TESK2: variants seen among roughly 807,000 people sequenced by gnomAD.
TESK2 encodes dual specificity testis-specific protein kinase 2.
Under a neutral mutation model 57.1 loss-of-function variants are expected in TESK2, and 39 were observed. That is an observed-to-expected ratio of 0.68 (90% confidence interval 0.53 to 0.89). The LOEUF (loss-of-function observed/expected upper bound fraction) is 0.89, where lower values mean the gene tolerates loss of function less well. Among genes scored for constraint, TESK2 ranks in the 40% least tolerant of loss-of-function variants. The pLI is 0.00. For synonymous variants in TESK2, 249 were observed against 267.9 expected, an observed-to-expected ratio of 0.93 and a Z score of 0.69; for missense variants, 646 against 732.1, an observed-to-expected ratio of 0.88 and a Z score of 1.36.
chr1:45,482,394 G>A (rs907119036), intron 1 of TESK2, among the ~76,000 whole-genome samples: 1 of 151,900 alleles, frequency 6.6e-6, no homozygotes, highest in African/African-American at 2.4e-5. Context: ...CTGGAGTGGT[G>A]GCACACACCT....
At chr1:45,363,694 A>C (rs372035510) in intron 4 of TESK2, among the ~76,000 whole-genome samples, 31 of 152,328 alleles carry the variant, frequency 2.0e-4, no homozygotes, top group African/African-American at 7.2e-4. Flanking sequence ...GAACACAAAG[A>C]TAACAAAGCA....
At chr1:45,469,566 C>A (rs1172181832) in intron 1 of TESK2, among the ~76,000 whole-genome samples, 1 of 152,140 alleles carries the variant, frequency 6.6e-6, no homozygotes, top group African/African-American at 2.4e-5. Context: ...AGAAATACAT[C>A]AAATTTCTGT....
At chr1:45,436,381 C>T (rs1247209331) in intron 2 of TESK2, among the ~76,000 whole-genome samples, 1 of 148,546 alleles carries the variant, frequency 6.7e-6, no homozygotes, top group African/African-American at 2.5e-5. Flanking sequence ...GATGGGGTTT[C>T]ACCATGTTGG....
At chr1:45,379,092 A>G (rs1229690483) in intron 4 of TESK2, among the ~76,000 whole-genome samples, 2 of 152,210 alleles carry the variant, frequency 1.3e-5, no homozygotes, top group African/African-American at 4.8e-5. Context: ...ACAAAAAAAT[A>G]AGAAGCAGGC....
At chr1:45,480,395 T>A (rs1653168861) in intron 1 of TESK2, among the ~76,000 whole-genome samples, 1 of 149,878 alleles carries the variant, frequency 6.7e-6, no homozygotes, top group East Asian at 2.0e-4. Context: ...GAGGTGGAGG[T>A]TGCAGTGAGC....
In TESK2 at chr1:45,344,777, C is replaced by G. The variant is rs531276529; in HGVS notation, c.*63G>C. 4.1e-6 allele frequency: 6 copies of G among 1,459,096 alleles called. No individual in the cohort carries two copies. The South Asian group carries it at 6.4e-5, about 16-fold the overall frequency. 90.4% of individuals were successfully genotyped at this position (1,459,096 alleles called of 1,614,324 possible). A position where few individuals can be genotyped will look rare whatever the true frequency, so the allele number is the denominator to read the frequency against. ...CCAGGGAAGAATCAAGGCTGTGCAC[C>G]TAGGGGGCCATATGGTTTCAGCTGA... is the stretch of plus-strand genomic sequence containing the variant. On this transcript the variant is annotated 3_prime_UTR_variant, in exon 11 of 11. Transcript: ENST00000372086.
intron 3 of TESK2, among the ~76,000 whole-genome samples, chr1:45,417,517 T>C (rs1298544241): frequency 6.6e-6 from 1 of 152,192 alleles, no homozygotes. Context: ...GCAATCTCAT[T>C]TGTCTATTTT....
At chr1:45,410,387 T>G (rs1649991497) in intron 3 of TESK2, among the ~76,000 whole-genome samples, 1 of 152,122 alleles carries the variant, frequency 6.6e-6, no homozygotes, top group Non-Finnish European at 1.5e-5. Flanking sequence ...ACGGATCACC[T>G]GAGGTTAGGA....
intron 1 of TESK2, among the ~76,000 whole-genome samples, chr1:45,470,472 G>A (rs1455035741): frequency 6.6e-6 from 1 of 152,152 alleles, no homozygotes; most frequent in African/African-American, 2.4e-5. Context: ...AGGCAATCTA[G>A]CATAAAAACT....
chr1:45,384,323 CTATGTATG>C (rs145216387), intron 4 of TESK2, among the ~76,000 whole-genome samples: 40,381 of 150,336 alleles, frequency 0.27, 5,709 homozygotes, highest in Admixed American at 0.4. Context: ...GGGTCTCACT[CTATGTATG>C]TATGTATGTA....
At position 45,355,324 on chromosome 1, in the gene TESK2, A is replaced by C. The variant is rs375990336; in HGVS notation, c.519T>G (p.Phe173Leu). 6.8e-6 allele frequency: 11 copies of C among 1,613,906 alleles called. No individual in the cohort carries two copies. The highest frequency in any genetic ancestry group is 1.3e-5 in the African/African-American group (1 of 74,926). Reference protein sequence around the residue: ...GLSYLHFKGIFHRDLTSKNCL... With the variant: ...GLSYLHFKGILHRDLTSKNCL... ...ATACCTTAGATGTGAGGTCCCGATG[A>C]AAAATGCCTTTGAAGTGAAGGTAGC... The change falls in exon 5 of 11, where the codon TTT becomes TTG. Residue 173 changes from phenylalanine (F) to leucine (L), a missense_variant. Transcript: ENST00000372086.
At chr1:45,476,496 G>A (rs1390408181) in intron 1 of TESK2, among the ~76,000 whole-genome samples, 4 of 151,788 alleles carry the variant, frequency 2.6e-5, no homozygotes, top group African/African-American at 9.7e-5. Context: ...ACTAGAGCAA[G>A]ACCAATCAAT....
At chr1:45,474,458 CTCT>C (rs1219300159) in intron 1 of TESK2, among the ~76,000 whole-genome samples, 1 of 151,870 alleles carries the variant, frequency 6.6e-6, no homozygotes, top group Non-Finnish European at 1.5e-5. Flanking sequence ...AAGACCCCAT[CTCT>C]TTTTTTTTTA....
chr1:45,477,684 G>A (rs1472246716), intron 1 of TESK2, among the ~76,000 whole-genome samples: 3 of 152,136 alleles, frequency 2.0e-5, no homozygotes, highest in African/African-American at 7.2e-5. Context: ...GAAGCAACCT[G>A]TAACTGTTCA....
chr1:45,469,591 G>A (rs1652685943), intron 1 of TESK2, among the ~76,000 whole-genome samples: 1 of 152,086 alleles, frequency 6.6e-6, no homozygotes, highest in Admixed American at 6.6e-5. Flanking sequence ...AATGATTTGT[G>A]GGTTAGCTAC....
chr1:45,422,926 C>T lies in TESK2; in HGVS notation c.223-1080G>A, dbSNP rs1365686956. On this transcript the variant is annotated intron_variant, in intron 2 of 10. Transcript: ENST00000372086. ...CTGCGATTACAAGCGCCTGCCACCG[C>T]GCCCAGCTAATTTTTGTATTTTTAG... is the stretch of plus-strand genomic sequence containing the variant. Among the ~76,000 whole-genome samples, 5 of 151,718 alleles carry T rather than the reference C, an allele frequency of 3.3e-5. No homozygotes were observed. The South Asian group carries it at 8.3e-4, about 25-fold the overall frequency.
intron 4 of TESK2, among the ~76,000 whole-genome samples, chr1:45,369,680 A>G (rs972735026): frequency 4.7e-5 from 7 of 150,414 alleles, no homozygotes; most frequent in African/African-American, 7.3e-5. Context: ...AAATAAGCGG[A>G]CTCTGAGGCC....
intron 2 of TESK2, among the ~76,000 whole-genome samples, chr1:45,431,724 C>T (rs1347378612): frequency 6.6e-6 from 1 of 152,158 alleles, no homozygotes; most frequent in African/African-American, 2.4e-5. Context: ...CAGAGGAAGT[C>T]ATCCTTCAGT....
chr1:45,368,744 G>T (rs1352586743), intron 4 of TESK2, among the ~76,000 whole-genome samples: 2 of 151,100 alleles, frequency 1.3e-5, no homozygotes, highest in African/African-American at 4.9e-5. Context: ...GCACCTGGCT[G>T]GTTTTTGTTT....
Sources: allele counts gnomAD v4.1 joint callset (sites outside exome capture counted in the v4.1 genomes callset), GRCh38; gene constraint gnomAD v4.1.1; transcripts MANE v1.5; gene names NCBI Gene and HGNC (gene_info 2026-07-23, HGNC 2026-07-21).